Variants in ACSF3 observed in about 807,000 individuals in gnomAD.
ACSF3 encodes malonate--CoA ligase ACSF3, mitochondrial.
ACSF3 carries 78 observed loss-of-function variants against 53.2 expected under a neutral mutation model. The ratio of observed to expected loss-of-function variants is 1.47; its 90% CI spans 1.22 to 1.77. The LOEUF (loss-of-function observed/expected upper bound fraction) is 1.77, where lower values mean the gene tolerates loss of function less well. Among genes scored for constraint, ACSF3 ranks in the 40% most tolerant of loss-of-function variants. The pLI, the probability that ACSF3 is intolerant of heterozygous loss-of-function variation, is 0.00. For missense variants in ACSF3, 937 were observed against 771.1 expected (o/e 1.22, Z -2.55); for synonymous variants, 414 against 333.1 (o/e 1.24, Z -2.65).
In ACSF3 at chr16:89,114,461, C is replaced by G. The variant is rs151006784; in HGVS notation, c.1100C>G (p.Pro367Arg). Residue 367 changes from proline (P) to arginine (R), a missense_variant, in exon 6 of 11, where the codon CCC becomes CGC. Pro to Arg is a moderately radical substitution (Grantham distance 103). Transcript: ENST00000614302. ...MTEIGMALSG[P>R]LTTAVRLPGS... ...GAGATCGGCATGGCTCTGTCCGGGC[C>G]CCTGACCACTGCCGTGCGCCTGCCA... is the stretch of plus-strand genomic sequence containing the variant. 9 of 1,613,088 alleles carry G rather than the reference C, an allele frequency of 5.6e-6. No homozygotes were observed. The African/African-American group carries it at 1.2e-4, about 22-fold the overall frequency.
In ACSF3 at chr16:89,101,017, G is replaced by T. The variant is rs1218881155; in HGVS notation, c.336G>T (p.Gln112His). 6.2e-7 allele frequency: 1 copy of T among 1,613,804 alleles called. No homozygotes were observed. The highest frequency in any genetic ancestry group is 2.2e-5 in the East Asian group (1 of 44,882). Residue 112 changes from glutamine to histidine, a missense_variant, in exon 3 of 11, where the codon CAG (glutamine) becomes CAT (histidine). Transcript: ENST00000614302. ...ACGATGCCTCCTACGTCGTGGCCCA[G>T]TGGGCGTCATGGATGAGTGGCGGTG... ...CANDASYVVA[Q>H]WASWMSGGVA...
intron 1 of ACSF3, 69 bp from the exon 2 acceptor site, chr16:89,098,522 T>A (rs373548251): frequency 4.3e-5 from 17 of 390,880 alleles, no homozygotes; most frequent in African/African-American, 2.9e-4. Flanking sequence ...CCATTGAGTG[T>A]TGAGTGTTGT....
chr16:89,113,858 G>A (rs1000721386), intron 5 of ACSF3: 15 of 271,574 alleles, frequency 5.5e-5, no homozygotes, highest in African/African-American at 2.0e-4. Flanking sequence ...TGGGTGCCGC[G>A]GCCATTCACC....
At chr16:89,130,792 A>T (rs1909117092) in intron 7 of ACSF3, among the ~76,000 whole-genome samples, 1 of 152,122 alleles carries the variant, frequency 6.6e-6, no homozygotes, top group Non-Finnish European at 1.5e-5. Flanking sequence ...GTTTTTAGCC[A>T]AATTTTATCA....
intron 5 of ACSF3, among the ~76,000 whole-genome samples, chr16:89,112,846 A>G (rs992508423): frequency 1.4e-4 from 21 of 152,184 alleles, no homozygotes; most frequent in African/African-American, 4.1e-4. Context: ...TGCCTCTCCT[A>G]TGCAGTCTCT....
At position 89,154,227 on chromosome 16, in the gene ACSF3, G is replaced by T. The variant is rs544916313; in HGVS notation, c.*20G>T. On this transcript the variant is annotated 3_prime_UTR_variant, in exon 11 of 11. Transcript: ENST00000614302. ...TCATGACCCGGCAGACTGGGACTGCGGGTCTGGTGGGGAGCAGCAGACGTC... is the reference window on the plus strand; with the variant it reads ...TCATGACCCGGCAGACTGGGACTGCTGGTCTGGTGGGGAGCAGCAGACGTC... 5.6e-6 allele frequency: 9 copies of T among 1,607,962 alleles called. No homozygotes were observed. The highest frequency in any genetic ancestry group is 7.7e-6 in the Non-Finnish European group (9 of 1,176,360).
At position 89,151,531 on chromosome 16, in the gene ACSF3, C is replaced by A. The variant is rs531205760; in HGVS notation, c.1614-2559C>A. The A allele has an allele frequency of 7.6e-4, 197 of 258,808 alleles. 5 individuals carry two copies. Among genetic ancestry groups the A allele is most frequent in the South Asian group, 4.0e-3 (96 of 23,978 alleles). The allele number at this position is 258,808 out of a possible 1,614,324, so 16.0% of individuals were successfully genotyped here. On this transcript the variant is annotated intron_variant, in intron 10 of 10. Coordinates refer to ENST00000614302, the MANE Select transcript of ACSF3 (RefSeq NM_001243279.3). ...CCAGTTAATGCACAAAAAGACAACA[C>A]GTCATGATCAAGCAGCATTTAAGCC...
chr16:89,102,182 G>A (rs1223095391), intron 3 of ACSF3, among the ~76,000 whole-genome samples: 1 of 152,216 alleles, frequency 6.6e-6, no homozygotes, highest in African/African-American at 2.4e-5. Context: ...AGCAGGTGAC[G>A]ATAATTCACG....
chr16:89,103,739 C>G (rs1975645508), intron 4 of ACSF3, among the ~76,000 whole-genome samples: 1 of 152,186 alleles, frequency 6.6e-6, no homozygotes, highest in Non-Finnish European at 1.5e-5. Flanking sequence ...GGAGTATTGG[C>G]CCAGCTGAAG....
intron 8 of ACSF3, chr16:89,136,505 A>G (rs573052333): frequency 8.8e-5 from 109 of 1,235,036 alleles, no homozygotes; most frequent in Non-Finnish European, 1.1e-4. Flanking sequence ...GCATGATATT[A>G]AATAGAAATC....
In ACSF3 at chr16:89,154,224, T is replaced by C. The variant is rs748558790; in HGVS notation, c.*17T>C. On this transcript the variant is annotated 3_prime_UTR_variant, in exon 11 of 11. Transcript: ENST00000614302. Reference sequence around the variant, plus strand: ...CCCTCATGACCCGGCAGACTGGGACTGCGGGTCTGGTGGGGAGCAGCAGAC... The same window carrying C: ...CCCTCATGACCCGGCAGACTGGGACCGCGGGTCTGGTGGGGAGCAGCAGAC... The C allele has an allele frequency of 6.2e-7, 1 of 1,608,728 alleles. No individual in the cohort carries two copies. The highest frequency in any genetic ancestry group is 1.1e-5 in the South Asian group (1 of 90,746).
intron 9 of ACSF3, 46 bp downstream of exon 9, chr16:89,145,447 T>C: frequency 6.2e-7 from 1 of 1,609,156 alleles, no homozygotes; most frequent in Non-Finnish European, 8.5e-7. Context: ...AGACGGGTGC[T>C]GCCTTCCATG....
intron 4 of ACSF3, among the ~76,000 whole-genome samples, chr16:89,106,944 A>C (rs1597918003): frequency 6.6e-6 from 1 of 152,346 alleles, no homozygotes; most frequent in East Asian, 1.9e-4. Flanking sequence ...CTGGAGATCA[A>C]AGTCACCACT....
At position 89,143,128 on chromosome 16, in the gene ACSF3, T is replaced by C. The variant is rs116381578; in HGVS notation, c.1367-2139T>C. On this transcript the variant is annotated intron_variant, in intron 8 of 10. Transcript: ENST00000614302. ...GGAAATTAGAAATAACACACAGGGGTTCCTTGTGCCGTCCCCCCAGTTTCT... is the reference window on the plus strand; with the variant it reads ...GGAAATTAGAAATAACACACAGGGGCTCCTTGTGCCGTCCCCCCAGTTTCT... Among the ~76,000 whole-genome samples the C allele has an allele frequency of 2.9e-3, 444 of 152,082 alleles. 6 individuals are homozygous for C. Among genetic ancestry groups the C allele is most frequent in the African/African-American group, 1.0e-2 (413 of 41,468 alleles).
chr16:89,131,003 G>T (rs1909164463), intron 7 of ACSF3, among the ~76,000 whole-genome samples: 1 of 149,916 alleles, frequency 6.7e-6, no homozygotes, highest in East Asian at 2.0e-4. Context: ...CTTTATTTCT[G>T]TATTTTTCAG....
At chr16:89,096,034 G>A (rs78097977) in intron 1 of ACSF3, among the ~76,000 whole-genome samples, 2,114 of 152,194 alleles carry the variant, frequency 0.014, 51 homozygotes, top group African/African-American at 0.049. Flanking sequence ...AGAACCTGAT[G>A]GCTAGAACAC....
At chr16:89,120,730 T>C in intron 6 of ACSF3, 71 bp from the exon 7 acceptor site, 1 of 1,446,494 alleles carries the variant, frequency 6.9e-7, no homozygotes, top group South Asian at 1.1e-5. Flanking sequence ...GGATCCGAGC[T>C]CAGTGTGTGC....
intron 8 of ACSF3, among the ~76,000 whole-genome samples, chr16:89,140,796 C>G (rs1269365427): frequency 6.6e-6 from 1 of 152,166 alleles, no homozygotes; most frequent in East Asian, 1.9e-4. Context: ...GAATTCAAAT[C>G]TGAGTATTGG....
rs115818132 is a variant in ACSF3 at position 89,124,421 on chromosome 16, C to T, written c.1239+3508C>T. Reference sequence around the variant, plus strand: ...ACTGCTCATGTGTGTGTTACCCGTGCGTGCACTGTGCGTATGTGTGTGATA... The same window carrying T: ...ACTGCTCATGTGTGTGTTACCCGTGTGTGCACTGTGCGTATGTGTGTGATA... On this transcript the variant is annotated intron_variant, in intron 7 of 10. Transcript: ENST00000614302. Among the ~76,000 whole-genome samples, 725 of 149,056 alleles carry T rather than the reference C, an allele frequency of 4.9e-3. 3 individuals are homozygous for T. The highest frequency in any genetic ancestry group is 0.017 in the African/African-American group (681 of 40,472).
Sources: allele counts gnomAD v4.1 joint callset (sites outside exome capture counted in the v4.1 genomes callset), GRCh38; gene constraint gnomAD v4.1.1; transcripts MANE v1.5; gene names NCBI Gene and HGNC (gene_info 2026-07-23, HGNC 2026-07-21).